The following IMPG1 variants were observed in gnomAD, a reference collection of about 807,000 sequenced individuals.
The protein encoded by IMPG1 is interphotoreceptor matrix proteoglycan 1.
A neutral mutation model predicts 92.0 loss-of-function variants in IMPG1; 85 were observed. That is an observed-to-expected ratio of 0.92 (90% CI 0.78 to 1.11). The LOEUF (loss-of-function observed/expected upper bound fraction) is 1.11, where lower values mean the gene tolerates loss of function less well. Ranked by LOEUF, IMPG1 falls within the 50% of genes least tolerant of loss-of-function variation. IMPG1 has a pLI of 0.00. For synonymous variants in IMPG1, 367 were observed against 334.1 expected (o/e 1.10, Z -1.08); for missense variants, 1,022 against 956.0 (o/e 1.07, Z -0.91).
chr6:76,002,835 A>T, intron 12 of IMPG1, 83 bp downstream of exon 12: 1 of 1,072,628 alleles, frequency 9.3e-7, no homozygotes, highest in Non-Finnish European at 1.4e-6. Context: ...TGGCTTTGTC[A>T]CTGGTCTTTG....
chr6:76,004,830 T>C (rs1179529637), intron 10 of IMPG1, among the ~76,000 whole-genome samples: 1 of 152,236 alleles, frequency 6.6e-6, no homozygotes, highest in East Asian at 1.9e-4. Flanking sequence ...GCTTCTAGCC[T>C]CAGGGAACTC....
intron 1 of IMPG1, among the ~76,000 whole-genome samples, chr6:76,068,374 G>C (rs1388393970): frequency 6.6e-6 from 1 of 152,010 alleles, no homozygotes; most frequent in African/African-American, 2.4e-5. Flanking sequence ...AATATCAGTA[G>C]CATTTCTACA....
chr6:76,049,418 C>T (rs920359312), intron 1 of IMPG1, among the ~76,000 whole-genome samples: 1 of 152,196 alleles, frequency 6.6e-6, no homozygotes, highest in Non-Finnish European at 1.5e-5. Flanking sequence ...AAGATTTCCT[C>T]TGATACCACA....
At chr6:76,025,133 A>T in intron 5 of IMPG1, 61 bp downstream of exon 5, 1 of 922,136 alleles carries the variant, frequency 1.1e-6, no homozygotes, top group Non-Finnish European at 1.8e-6. Context: ...TTTATAAATA[A>T]CATGCTATCA....
intron 16 of IMPG1, among the ~76,000 whole-genome samples, chr6:75,923,275 TTTGAAA>T (rs1420011529): frequency 6.6e-6 from 1 of 152,120 alleles, no homozygotes; most frequent in African/African-American, 2.4e-5. Flanking sequence ...CTGATTATTA[TTTGAAA>T]TTGAAAGTAT....
intron 9 of IMPG1, among the ~76,000 whole-genome samples, chr6:76,005,929 T>C (rs1446220552): frequency 6.6e-6 from 1 of 151,898 alleles, no homozygotes; most frequent in Admixed American, 6.6e-5. Flanking sequence ...CTTGAAGTCC[T>C]GGGGCCCAGG....
In IMPG1 at chr6:76,005,351, C is replaced by G. The variant is rs1210834715; in HGVS notation, c.1071G>C (p.Arg357Ser). Residue 357 changes from arginine (R) to serine (S), a missense_variant, in exon 10 of 17, where the codon AGG becomes AGC. Arg to Ser is a moderately radical substitution (Grantham distance 110, BLOSUM62 -1). Coordinates refer to ENST00000369950, the MANE Select transcript of IMPG1 (RefSeq NM_001563.4). ...CTTCCTCTAGTGCTTTGCTGATCAGCCTTTTGAGGTCTGTAGCTGTGAGAT... is the reference window on the plus strand; with the variant it reads ...CTTCCTCTAGTGCTTTGCTGATCAGGCTTTTGAGGTCTGTAGCTGTGAGAT... ...EIYLTATDLK[R>S]LISKALEEEQ... The G allele has an allele frequency of 3.7e-6, 6 of 1,614,018 alleles. No individual in the cohort carries two copies. The highest frequency in any genetic ancestry group is 1.7e-5 in the Admixed American group (1 of 59,990).
At chr6:76,058,686 G>A (rs1485956807) in intron 1 of IMPG1, among the ~76,000 whole-genome samples, 1 of 152,166 alleles carries the variant, frequency 6.6e-6, no homozygotes, top group Non-Finnish European at 1.5e-5. Context: ...ACGGTAGAGG[G>A]AAGTTTTGGA....
intron 4 of IMPG1, among the ~76,000 whole-genome samples, chr6:76,031,203 T>A (rs1283791545): frequency 1.3e-5 from 2 of 152,228 alleles, no homozygotes; most frequent in African/African-American, 4.8e-5. Flanking sequence ...TTTGTTACTA[T>A]AAGCAAGTAG....
At chr6:75,929,561 AG>A (rs1398350051) in intron 15 of IMPG1, among the ~76,000 whole-genome samples, 30 of 38,288 alleles carry the variant, frequency 7.8e-4, no homozygotes, top group Non-Finnish European at 1.1e-3. Flanking sequence ...GGGTGGGGGG[AG>A]GGGGGAGGGA....
intron 12 of IMPG1, among the ~76,000 whole-genome samples, chr6:75,991,450 T>C (rs1429029279): frequency 6.6e-6 from 1 of 151,022 alleles, no homozygotes; most frequent in Non-Finnish European, 1.5e-5. Context: ...ACCCTAACTG[T>C]GATGTTACCT....
intron 12 of IMPG1, among the ~76,000 whole-genome samples, chr6:75,989,214 G>A (rs1376708526): frequency 1.3e-5 from 2 of 152,044 alleles, no homozygotes; most frequent in Non-Finnish European, 2.9e-5. Context: ...TCAGCCCCCC[G>A]AGTAGTAATT....
At chr6:76,036,946 A>G (rs546752687) in intron 2 of IMPG1, among the ~76,000 whole-genome samples, 4 of 152,342 alleles carry the variant, frequency 2.6e-5, no homozygotes, top group Admixed American at 1.3e-4. Context: ...AGGGGATTAT[A>G]TAGCTAAAAA....
chr6:76,051,688 T>G (rs1582131530), intron 1 of IMPG1, among the ~76,000 whole-genome samples: 1 of 152,288 alleles, frequency 6.6e-6, no homozygotes, highest in East Asian at 1.9e-4. Context: ...TCTCTGTAGC[T>G]TTTGAAAATT....
rs117789124 is a variant in IMPG1, at chr6:76,042,966, T to C, written c.68-840A>G. On this transcript the variant is annotated intron_variant, in intron 1 of 16. Transcript: ENST00000369950. ...AGCTTTACTACATCGATGAAACATA[T>C]CATTTTTCTCAGTTCATCAGCATTT... Among the ~76,000 whole-genome samples, 12 of 152,282 alleles carry C rather than the reference T, an allele frequency of 7.9e-5. No individual in the cohort carries two copies. In the East Asian group the frequency reaches 2.1e-3, roughly 27 times the overall value.
chr6:76,036,874 A>G (rs902306962), intron 2 of IMPG1, among the ~76,000 whole-genome samples: 3 of 152,282 alleles, frequency 2.0e-5, no homozygotes, highest in African/African-American at 7.2e-5. Flanking sequence ...CTCACCAAAA[A>G]TTACATCCTA....
chr6:75,998,566 A>G (rs901271261), intron 12 of IMPG1, among the ~76,000 whole-genome samples: 6 of 152,240 alleles, frequency 3.9e-5, no homozygotes, highest in Non-Finnish European at 8.8e-5. Context: ...TTCACTTAAA[A>G]TACTGCAATT....
Position 75,923,634 on chromosome 6 carries a change from CTTG to C in IMPG1, c.2313_2315del (p.Asn771del), listed in dbSNP as rs867802615. ...ACCAACTTAGAAAGTATGATTTTAC[CTTG>C]TTATTTTGTTGATTTTGGAACTTTT... On this transcript the variant is annotated inframe_deletion and splice_region_variant, in exon 16 of 17. Transcript: ENST00000369950. 2 of 1,466,556 alleles carry C rather than the reference CTTG, an allele frequency of 1.4e-6. No individual in the cohort carries two copies. The highest frequency in any genetic ancestry group is 2.8e-5 in the African/African-American group (2 of 72,630). The allele number at this position is 1,466,556 out of a possible 1,614,324, so 90.8% of individuals were successfully genotyped here.
intron 12 of IMPG1, among the ~76,000 whole-genome samples, chr6:75,974,260 TTCTC>T (rs898489094): frequency 2.1e-4 from 32 of 149,788 alleles, no homozygotes; most frequent in Admixed American, 8.8e-4. Flanking sequence ...CTTTCTTTCT[TTCTC>T]TCTCTTTCTT....
Sources: allele counts gnomAD v4.1 joint callset (sites outside exome capture counted in the v4.1 genomes callset), GRCh38; gene constraint gnomAD v4.1.1; transcripts MANE v1.5; gene names NCBI Gene and HGNC (gene_info 2026-07-23, HGNC 2026-07-21).